The following PCDHA9 variants were observed in gnomAD, a reference collection of about 807,000 sequenced individuals.
PCDHA9 encodes the protein protocadherin alpha 9, also known as protocadherin alpha-9.
PCDHA9 carries 62 observed loss-of-function variants against 62.0 expected under a neutral mutation model. The ratio of observed to expected loss-of-function variants is 1.00; its 90% CI spans 0.81 to 1.23. PCDHA9 has a LOEUF of 1.23. PCDHA9 is among the 50% of genes most tolerant of loss of function. The pLI, the probability that PCDHA9 is intolerant of heterozygous loss-of-function variation, is 0.00. For synonymous variants in PCDHA9, 557 were observed against 567.6 expected, an observed-to-expected ratio of 0.98 and a Z score of 0.27; for missense variants, 1,205 against 1,249.8, an observed-to-expected ratio of 0.96 and a Z score of 0.54.
At position 140,928,998 on chromosome 5, in the gene PCDHA9, C is replaced by G. The variant is rs1448389331; in HGVS notation, c.2395-49951C>G. On this transcript the variant is annotated intron_variant, in intron 1 of 3. Coordinates refer to ENST00000532602, the MANE Select transcript of PCDHA9 (RefSeq NM_031857.2). The stretch of plus-strand genomic sequence containing the variant: ...TATTTCTGGGGTGCTTACTTTTCTT[C>G]GTGTGTACCAAGTTGCACCAGAGCC... The G allele has an allele frequency of 8.1e-6, 13 of 1,613,784 alleles. No individual in the cohort carries two copies. The Admixed American group carries it at 2.2e-4, about 27-fold the overall frequency.
chr5:140,856,542 CA>C (rs2044078032), intron 1 of PCDHA9: 1 of 1,598,136 alleles, frequency 6.3e-7, no homozygotes, highest in Admixed American at 1.7e-5. Context: ...GGAGAGAACG[CA>C]TTGCTTACTT....
intron 1 of PCDHA9, chr5:140,883,300 T>C (rs782541976): frequency 6.2e-7 from 1 of 1,613,974 alleles, no homozygotes; most frequent in African/African-American, 1.3e-5. Flanking sequence ...TAGATGTAAA[T>C]GATAACGCCC....
chr5:140,887,245 C>T (rs1200820177), intron 1 of PCDHA9, among the ~76,000 whole-genome samples: 2 of 151,924 alleles, frequency 1.3e-5, no homozygotes, highest in East Asian at 1.9e-4. Context: ...TACCGGCGCC[C>T]GCCACCACGC....
intron 1 of PCDHA9, among the ~76,000 whole-genome samples, chr5:140,973,378 A>C (rs1453357452): frequency 6.6e-6 from 1 of 152,238 alleles, no homozygotes; most frequent in Non-Finnish European, 1.5e-5. Context: ...CAATGGTCAG[A>C]ATAGACAAAG....
At chr5:140,899,250 G>A (rs1232558400) in intron 1 of PCDHA9, among the ~76,000 whole-genome samples, 1 of 152,118 alleles carries the variant, frequency 6.6e-6, no homozygotes, top group African/African-American at 2.4e-5. Flanking sequence ...GGTGAGAGAG[G>A]GCATCCCTGT....
At chr5:140,860,333 A>T (rs147859732) in intron 1 of PCDHA9, 1 of 152,198 alleles carries the variant, frequency 6.6e-6, no homozygotes, top group African/African-American at 2.4e-5. Context: ...GTGACCCATG[A>T]TTGTGCCACT....
rs191892568 is a variant in PCDHA9, at chr5:140,903,945, C to T, written c.2394+53056C>T. 2.6e-5 allele frequency among the ~76,000 whole-genome samples: 4 copies of T among 152,280 alleles called. No homozygotes were observed. In the East Asian group the frequency reaches 5.8e-4, roughly 22 times the overall value. ...TGCATTGGATAATACCTCTTAAATA[C>T]TGGAAAATTATTTGTTGATTTTTGG... On this transcript the variant is annotated intron_variant, in intron 1 of 3. Transcript: ENST00000532602.
intron 1 of PCDHA9, chr5:140,968,380 C>T: frequency 6.2e-7 from 1 of 1,614,072 alleles, no homozygotes; most frequent in Non-Finnish European, 8.5e-7. Context: ...ACTCCTTTGA[C>T]TATGAGAAGT....
chr5:140,854,357 G>A (rs251358), intron 1 of PCDHA9: 79,269 of 162,662 alleles, frequency 0.49, 22,300 homozygotes, highest in South Asian at 0.62. Context: ...TAAAACAAAC[G>A]TTGATATTTT....
intron 3 of PCDHA9, among the ~76,000 whole-genome samples, chr5:141,000,919 A>AT (rs2097975024): frequency 6.6e-6 from 1 of 152,134 alleles, no homozygotes; most frequent in Non-Finnish European, 1.5e-5. Flanking sequence ...AAAAAAAAAA[A>AT]TCCTGTGTGA....
chr5:140,938,261 A>G (rs1325957872), intron 1 of PCDHA9, among the ~76,000 whole-genome samples: 2 of 152,182 alleles, frequency 1.3e-5, no homozygotes, highest in Non-Finnish European at 2.9e-5. Flanking sequence ...AAAACTTTCT[A>G]ATCACATAGT....
At chr5:140,891,819 G>C (rs1282245838) in intron 1 of PCDHA9, among the ~76,000 whole-genome samples, 3 of 152,098 alleles carry the variant, frequency 2.0e-5, no homozygotes, top group African/African-American at 7.2e-5. Context: ...ATAAATTAAC[G>C]GCACTGTAAA....
In PCDHA9 at chr5:140,927,982, G is replaced by T. The variant is rs114786796; in HGVS notation, c.2395-50967G>T. 280 of 1,614,224 alleles carry T rather than the reference G, an allele frequency of 1.7e-4. No individual in the cohort carries two copies. The African/African-American group carries it at 3.0e-3, about 17-fold the overall frequency. On this transcript the variant is annotated intron_variant, in intron 1 of 3. Transcript: ENST00000532602. ...TGGCACAGTGATTGCTCTCTTTAGT[G>T]TAAAGGATGAAGACCTCGATTCTAA...
intron 1 of PCDHA9, chr5:140,967,251 C>T: frequency 6.2e-7 from 1 of 1,613,408 alleles, no homozygotes; most frequent in Non-Finnish European, 8.5e-7. Context: ...GAATCGGTGG[C>T]GCCTGGAGCG....
intron 1 of PCDHA9, chr5:140,871,103 C>G (rs202137231): frequency 4.3e-6 from 7 of 1,613,290 alleles, no homozygotes; most frequent in South Asian, 2.2e-5. Flanking sequence ...GTGCTGGTGT[C>G]GTTGGTGGAG....
At chr5:140,856,001 C>T (rs782376274) in intron 1 of PCDHA9, 7 of 1,515,190 alleles carry the variant, frequency 4.6e-6, no homozygotes, top group African/African-American at 1.4e-5. Context: ...ATCGTATGTG[C>T]GTTCTAGACC....
intron 1 of PCDHA9, chr5:140,868,295 T>C (rs569295401): frequency 6.6e-6 from 1 of 152,272 alleles, no homozygotes; most frequent in African/African-American, 2.4e-5. Context: ...AGAATATGAA[T>C]ATATTTGTTT....
At chr5:140,927,764 G>T (rs2084612834) in intron 1 of PCDHA9, 1 of 1,614,092 alleles carries the variant, frequency 6.2e-7, no homozygotes. Flanking sequence ...CCTAAAAGTG[G>T]GGAGGTGCAA....
chr5:140,913,942 T>A (rs1489221369), intron 1 of PCDHA9, among the ~76,000 whole-genome samples: 10 of 152,198 alleles, frequency 6.6e-5, no homozygotes, highest in African/African-American at 2.4e-4. Flanking sequence ...GAGAAGAATC[T>A]TGATATGATA....
Sources: allele counts gnomAD v4.1 joint callset (sites outside exome capture counted in the v4.1 genomes callset), GRCh38; gene constraint gnomAD v4.1.1; transcripts MANE v1.5; gene names NCBI Gene and HGNC (gene_info 2026-07-23, HGNC 2026-07-21).